Variants in GPC3 observed in about 807,000 individuals in gnomAD.
GPC3 encodes glypican 3, also known as glypican-3.
In GPC3, 3 loss-of-function variants were observed where a neutral mutation model predicts 34.4. The observed-to-expected ratio is 0.09, with a 90% CI of 0.04 to 0.23. GPC3 has a LOEUF of 0.23. Ranked by LOEUF, GPC3 falls within the 10% of genes least tolerant of loss-of-function variation. The pLI, the probability that GPC3 is intolerant of heterozygous loss-of-function variation, is 1.00. For missense variants in GPC3, 351 were observed against 445.6 expected (o/e 0.79, Z 1.91); for synonymous variants, 177 against 174.0 (o/e 1.02, Z -0.13).
chrX:133,697,048 C>G (rs1223133702), intron 4 of GPC3, among the ~76,000 whole-genome samples: 9 of 112,475 alleles, frequency 8.0e-5, no homozygotes, highest in African/African-American at 2.9e-4. Flanking sequence ...CATCCCTTCC[C>G]TTCTTTGGTT....
chrX:133,716,588 A>C (rs1449445653), intron 3 of GPC3, among the ~76,000 whole-genome samples: 2 of 112,378 alleles, frequency 1.8e-5, no homozygotes, highest in African/African-American at 6.5e-5. Context: ...AAGAAACAAT[A>C]ATCACATTTG....
At chrX:133,598,525 A>C (rs2069945839) in intron 6 of GPC3, among the ~76,000 whole-genome samples, 1 of 111,388 alleles carries the variant, frequency 9.0e-6, no homozygotes, top group Admixed American at 9.6e-5. Context: ...TTCTCCACTC[A>C]ATCTGCTGTG....
intron 3 of GPC3, among the ~76,000 whole-genome samples, chrX:133,738,420 C>G (rs372021651): frequency 1.8e-5 from 2 of 111,906 alleles, no homozygotes; most frequent in South Asian, 7.6e-4. Context: ...AGGAAAGACT[C>G]TTAGTAGGCA....
chrX:133,744,929 A>G (rs948060182), intron 3 of GPC3, among the ~76,000 whole-genome samples: 4 of 110,456 alleles, frequency 3.6e-5, no homozygotes, highest in African/African-American at 9.9e-5. Context: ...ACCAAACACC[A>G]TATGTTCTCA....
chrX:133,913,148 T>C (rs1257772251), intron 2 of GPC3, among the ~76,000 whole-genome samples: 2 of 110,495 alleles, frequency 1.8e-5, no homozygotes, highest in Non-Finnish European at 3.8e-5. Context: ...GCTCTGAGAA[T>C]GAATGAAGAG....
At chrX:133,922,225 G>C (rs1192596806) in intron 2 of GPC3, among the ~76,000 whole-genome samples, 1 of 112,211 alleles carries the variant, frequency 8.9e-6, no homozygotes. Context: ...AAGGCTAGAG[G>C]GAAAGGAGGA....
intron 7 of GPC3, among the ~76,000 whole-genome samples, chrX:133,594,920 A>G (rs905552835): frequency 9.0e-6 from 1 of 110,689 alleles, no homozygotes; most frequent in Non-Finnish European, 1.9e-5. Flanking sequence ...GAGGCCAGCC[A>G]TGGTGGCTCA....
intron 2 of GPC3, among the ~76,000 whole-genome samples, chrX:133,842,043 A>G (rs111929103): frequency 0.11 from 12,118 of 112,045 alleles, 1,202 homozygotes; most frequent in African/African-American, 0.31. Flanking sequence ...CCTGCCGGGC[A>G]TGGTGGCTCA....
Position 133,902,540 on chromosome X carries a change from C to T in GPC3, c.337+50510G>A, listed in dbSNP as rs749997891. Among the ~76,000 whole-genome samples, 18 of 110,966 alleles carry T rather than the reference C, an allele frequency of 1.6e-4. No individual in the cohort carries two copies. In the South Asian group the frequency reaches 6.2e-3, roughly 38 times the overall value. ...GATTTTGACACTAGCCTGGCCAACA[C>T]GGTGAAACCTCGTCTCTACTAAAAA... On this transcript the variant is annotated intron_variant, in intron 2 of 7. Transcript: ENST00000370818.
intron 1 of GPC3, among the ~76,000 whole-genome samples, chrX:133,977,261 T>C (rs2076520512): frequency 8.9e-6 from 1 of 112,067 alleles, no homozygotes; most frequent in African/African-American, 3.2e-5. Context: ...ACATGGTCCC[T>C]GCATTCAATA....
rs775017415 is a variant in GPC3 at position 133,740,508 on chromosome X, T to A, written c.1032+12974A>T. On this transcript the variant is annotated intron_variant, in intron 3 of 7. Transcript: ENST00000370818. ...ACTTGTGAAGAAACTGCTCAAAGAT[T>A]ATTTAAAGGGTTCACAATTTTTTAA... Among the ~76,000 whole-genome samples the A allele has an allele frequency of 2.0e-4, 23 of 112,386 alleles. No homozygotes were observed. In the East Asian group the frequency reaches 6.4e-3, roughly 31 times the overall value.
At chrX:133,865,509 C>T (rs973748402) in intron 2 of GPC3, among the ~76,000 whole-genome samples, 1 of 111,844 alleles carries the variant, frequency 8.9e-6, no homozygotes, top group Non-Finnish European at 1.9e-5. Flanking sequence ...TGACAAGAGA[C>T]ATTTCACACA....
At chrX:133,834,476 C>T (rs1306826447) in intron 2 of GPC3, among the ~76,000 whole-genome samples, 1 of 111,604 alleles carries the variant, frequency 9.0e-6, no homozygotes, top group African/African-American at 3.3e-5. Context: ...ATGGATAAAC[C>T]TAGACCCTGG....
chrX:133,770,305 T>G (rs1156349246), intron 2 of GPC3, among the ~76,000 whole-genome samples: 2 of 111,794 alleles, frequency 1.8e-5, no homozygotes, highest in Non-Finnish European at 3.8e-5. Flanking sequence ...GGTTCATGAT[T>G]AAGGACCAGA....
Position 133,985,412 on chromosome X carries a change from G to A in GPC3, c.38C>T (p.Ala13Val), listed in dbSNP as rs1371965068. ...CGGGAAGTCCAAGCTGAGCAGCATC[G>A]CCACCACCAAGCACGCGGTGCGCAC... ...GTVRTACLVV[A>V]MLLSLDFPGQ... Residue 13 changes from alanine (A) to valine (V), a missense_variant, in exon 1 of 8, where the codon GCG becomes GTG. By Grantham distance (64) the Ala-to-Val change is moderately conservative. Coordinates refer to ENST00000370818, the MANE Select transcript of GPC3 (RefSeq NM_004484.4). The A allele has an allele frequency of 8.4e-7, 1 of 1,184,742 alleles. No homozygotes were observed. The highest frequency in any genetic ancestry group is 1.9e-5 in the South Asian group (1 of 53,918).
chrX:133,719,191 C>G (rs1213554608), intron 3 of GPC3, among the ~76,000 whole-genome samples: 1 of 111,095 alleles, frequency 9.0e-6, no homozygotes, highest in Non-Finnish European at 1.9e-5. Context: ...CATGTTGGGC[C>G]ACAAAACGAG....
chrX:133,661,933 C>G, intron 5 of GPC3, 83 bp from the exon 6 acceptor site: 1 of 1,103,698 alleles, frequency 9.1e-7, no homozygotes, highest in Non-Finnish European at 1.2e-6. Context: ...CATCAACAGT[C>G]AGACTGACCA....
chrX:133,932,283 T>C (rs1195716865), intron 2 of GPC3, among the ~76,000 whole-genome samples: 3 of 112,335 alleles, frequency 2.7e-5, no homozygotes, highest in Non-Finnish European at 5.6e-5. Context: ...GCTTTGCTAT[T>C]GTTGTTTGGT....
intron 2 of GPC3, among the ~76,000 whole-genome samples, chrX:133,770,188 G>T (rs1434638889): frequency 9.0e-6 from 1 of 111,248 alleles, no homozygotes; most frequent in African/African-American, 3.3e-5. Flanking sequence ...GAGGCAGGGG[G>T]ACTGCTTGAG....
Sources: gnomAD v4.1 joint callset for allele counts (sites outside exome capture counted in the v4.1 genomes callset) on GRCh38, gnomAD v4.1.1 for gene constraint, MANE v1.5 for transcripts, NCBI Gene and HGNC (gene_info 2026-07-23, HGNC 2026-07-21) for gene names.